The following ANKRD10 variants were observed in gnomAD, a reference collection of about 807,000 sequenced individuals.
The protein encoded by ANKRD10 is ankyrin repeat domain-containing protein 10.
In ANKRD10, 14 loss-of-function variants were observed where a neutral mutation model predicts 27.0. That is an observed-to-expected ratio of 0.52 (90% CI 0.34 to 0.81). The LOEUF (loss-of-function observed/expected upper bound fraction) is 0.81, where lower values mean the gene tolerates loss of function less well. Among genes scored for constraint, ANKRD10 ranks in the 40% least tolerant of loss-of-function variants. The pLI, the probability that ANKRD10 is intolerant of heterozygous loss-of-function variation, is 0.01. For synonymous variants in ANKRD10, 250 were observed against 224.5 expected, an observed-to-expected ratio of 1.11 and a Z score of -1.01; for missense variants, 493 against 544.0, an observed-to-expected ratio of 0.91 and a Z score of 0.93.
At chr13:110,906,821 G>C (rs1211469612) in intron 2 of ANKRD10, among the ~76,000 whole-genome samples, 1 of 152,116 alleles carries the variant, frequency 6.6e-6, no homozygotes, top group African/African-American at 2.4e-5. Context: ...AGTGCAGAGG[G>C]GGTGGGGTGG....
intron 5 of ANKRD10, chr13:110,883,388 G>C: frequency 6.2e-6 from 3 of 480,848 alleles, no homozygotes; most frequent in Non-Finnish European, 8.7e-6. Context: ...TCAGAATAAA[G>C]ATTGCACTTA....
At chr13:110,884,067 G>C (rs1330019372) in intron 4 of ANKRD10, among the ~76,000 whole-genome samples, 1 of 152,064 alleles carries the variant, frequency 6.6e-6, no homozygotes. Context: ...TGGACATTTA[G>C]AAGACATGAA....
chr13:110,893,398 A>G (rs1250528873), intron 3 of ANKRD10, 135 bp from the exon 4 acceptor site: 2 of 792,370 alleles, frequency 2.5e-6, no homozygotes, highest in Non-Finnish European at 4.0e-6. Context: ...TTAAAGAAGT[A>G]GTTAATCAAT....
At chr13:110,892,675 T>TG (rs1491454717) in intron 4 of ANKRD10, 1 of 677,512 alleles carries the variant, frequency 1.5e-6, no homozygotes, top group East Asian at 2.2e-4. Flanking sequence ...AAGAAGCAAA[T>TG]TAAAAAAAAA....
At position 110,884,855 on chromosome 13, in the gene ANKRD10, G is replaced by A. The variant is rs193135362; in HGVS notation, c.692-1062C>T. Among the ~76,000 whole-genome samples the A allele has an allele frequency of 2.2e-3, 342 of 152,302 alleles. 1 individual carries two copies. The highest frequency in any genetic ancestry group is 3.7e-3 in the Non-Finnish European group (255 of 68,026). ...TCCTTCATATAAACATTTAAAAATA[G>A]GGAGAATGGAACTTTGCAGCTTGAA... On this transcript the variant is annotated intron_variant, in intron 4 of 5. Coordinates refer to ENST00000267339, the MANE Select transcript of ANKRD10 (RefSeq NM_017664.4).
intron 5 of ANKRD10, among the ~76,000 whole-genome samples, chr13:110,882,347 G>T (rs565353560): frequency 6.6e-6 from 1 of 152,184 alleles, no homozygotes; most frequent in South Asian, 2.1e-4. Context: ...GCTTCCAGTG[G>T]ACGTGGAGTG....
At chr13:110,911,818 T>C (rs1197267731) in intron 1 of ANKRD10, 1 of 152,298 alleles carries the variant, frequency 6.6e-6, no homozygotes, top group Non-Finnish European at 1.5e-5. Context: ...CCACAAACTT[T>C]GTGTAGCCAT....
chr13:110,911,926 G>T (rs965138454), intron 1 of ANKRD10, among the ~76,000 whole-genome samples: 4 of 152,172 alleles, frequency 2.6e-5, no homozygotes, highest in Non-Finnish European at 4.4e-5. Context: ...AATCAATAGA[G>T]GCCCCATTCT....
intron 3 of ANKRD10, among the ~76,000 whole-genome samples, chr13:110,900,037 C>T (rs1380335959): frequency 7.2e-5 from 11 of 151,982 alleles, no homozygotes; most frequent in Admixed American, 7.2e-4. Context: ...CACAGGAAGA[C>T]CCTGTCTCTT....
chr13:110,894,152 T>C, intron 3 of ANKRD10: 6 of 1,612,468 alleles, frequency 3.7e-6, no homozygotes, highest in Non-Finnish European at 4.2e-6. Flanking sequence ...AGTAACTCCA[T>C]GTTGAAGTTC....
intron 1 of ANKRD10, among the ~76,000 whole-genome samples, chr13:110,913,728 A>C (rs1323077939): frequency 6.6e-6 from 1 of 152,178 alleles, no homozygotes; most frequent in Non-Finnish European, 1.5e-5. Context: ...ATTTCTGCAA[A>C]ACCATTTAAC....
In ANKRD10 at chr13:110,914,768, A is replaced by C. The variant is rs1199575541; in HGVS notation, c.167T>G (p.Phe56Cys). Reference protein sequence around the residue: ...PHAHLASEDSFYGWTPVHWAA... With the variant: ...PHAHLASEDSCYGWTPVHWAA... ...CCAGTGCACGGGCGTCCAGCCATAG[A>C]AGGAGTCCTCAGAGGCCAGGTGGGC... Residue 56 changes from phenylalanine (F) to cysteine (C), a missense_variant, in exon 1 of 6, where the codon TTC (phenylalanine) becomes TGC (cysteine). Physicochemically the swap from Phe to Cys is radical, Grantham distance 205. Coordinates refer to ENST00000267339, the MANE Select transcript of ANKRD10 (RefSeq NM_017664.4). 7 of 1,599,292 alleles carry C rather than the reference A, an allele frequency of 4.4e-6. No individual in the cohort carries two copies. The highest frequency in any genetic ancestry group is 1.3e-5 in the African/African-American group (1 of 74,480).
chr13:110,894,536 T>G, intron 3 of ANKRD10: 5 of 166,580 alleles, frequency 3.0e-5, no homozygotes, highest in East Asian at 1.7e-4. Flanking sequence ...CATAGAGCTC[T>G]GACCTTGGAA....
intron 3 of ANKRD10, among the ~76,000 whole-genome samples, 153 bp downstream of exon 3, chr13:110,905,880 T>A (rs2065517614): frequency 6.6e-6 from 1 of 152,182 alleles, no homozygotes; most frequent in South Asian, 2.1e-4. Context: ...TCCACACAAT[T>A]TTCCTCACTA....
chr13:110,903,987 C>T (rs1334510696), intron 3 of ANKRD10: 2 of 152,124 alleles, frequency 1.3e-5, no homozygotes, highest in Non-Finnish European at 2.9e-5. Flanking sequence ...AACTGTTACA[C>T]GTTGGTGGAC....
At chr13:110,908,006 G>C (rs975965686) in intron 2 of ANKRD10, among the ~76,000 whole-genome samples, 22 of 152,090 alleles carry the variant, frequency 1.4e-4, no homozygotes, top group Admixed American at 5.2e-4. Context: ...AATCTTTAGG[G>C]GCAGAGCAAA....
At chr13:110,900,449 A>C in intron 3 of ANKRD10, 1 of 1,048,096 alleles carries the variant, frequency 9.5e-7, no homozygotes, top group Non-Finnish European at 1.2e-6. Context: ...ATCATAAATT[A>C]GGTAAGCAAA....
At position 110,914,819 on chromosome 13, in the gene ANKRD10, C is replaced by G. The variant is rs747496769; in HGVS notation, c.116G>C (p.Cys39Ser). Residue 39 changes from cysteine to serine, a missense_variant, in exon 1 of 6, where the codon TGC (cysteine) becomes TCC (serine). Coordinates refer to ENST00000267339, the MANE Select transcript of ANKRD10 (RefSeq NM_017664.4). ...ACRDGDLATL[C>S]SLLQQTPHAH... Reference sequence around the variant, plus strand: ...GTGGGGTGTCTGCTGCAGCAGCGAGCAGAGCGTGGCCAGGTCCCCGTCGCG... The same window carrying G: ...GTGGGGTGTCTGCTGCAGCAGCGAGGAGAGCGTGGCCAGGTCCCCGTCGCG... 1 of 1,589,002 alleles carries G rather than the reference C, an allele frequency of 6.3e-7. No individual in the cohort carries two copies. The highest frequency in any genetic ancestry group is 1.1e-5 in the South Asian group (1 of 87,400).
chr13:110,898,152 TA>T (rs1330065612), intron 3 of ANKRD10, among the ~76,000 whole-genome samples: 1 of 152,214 alleles, frequency 6.6e-6, no homozygotes, highest in Admixed American at 6.5e-5. Flanking sequence ...TTCCTATTCC[TA>T]AATTGAGTGT....
Sources: allele counts gnomAD v4.1 joint callset (sites outside exome capture counted in the v4.1 genomes callset), GRCh38; gene constraint gnomAD v4.1.1; transcripts MANE v1.5; gene names NCBI Gene and HGNC (gene_info 2026-07-23, HGNC 2026-07-21).